Variants in TMEM163 observed in about 807,000 individuals in gnomAD.
TMEM163 encodes the protein transmembrane protein 163.
Under a neutral mutation model 29.3 loss-of-function variants are expected in TMEM163, and 17 were observed. The ratio of observed to expected loss-of-function variants is 0.58; its 90% CI spans 0.40 to 0.87. The LOEUF is 0.87. TMEM163 is among the 40% of genes least tolerant of loss of function. The probability of loss-of-function intolerance (pLI) is 0.00; values close to 1 mark genes in which losing one functional copy is unlikely to be tolerated. For synonymous variants in TMEM163, 157 were observed against 160.6 expected (o/e 0.98, Z 0.17); for missense variants, 303 against 381.5 (o/e 0.79, Z 1.71).
At chr2:134,624,527 A>C in intron 2 of TMEM163, among the ~76,000 whole-genome samples, 1 of 152,164 alleles carries the variant, frequency 6.6e-6, no homozygotes, top group Admixed American at 6.5e-5. Context: ...TGGGTGATGA[A>C]ATATTCTGTA....
At chr2:134,611,832 G>C (rs1682510097) in intron 2 of TMEM163, among the ~76,000 whole-genome samples, 1 of 152,170 alleles carries the variant, frequency 6.6e-6, no homozygotes, top group Non-Finnish European at 1.5e-5. Context: ...CAGTGAAGAG[G>C]TGAGCCTCCA....
intron 2 of TMEM163, among the ~76,000 whole-genome samples, chr2:134,621,852 C>G (rs759766995): frequency 1.4e-4 from 21 of 152,052 alleles, no homozygotes; most frequent in Middle Eastern, 6.8e-3. Flanking sequence ...GATGGTGCCA[C>G]TGTACTCCAG....
intron 2 of TMEM163, among the ~76,000 whole-genome samples, chr2:134,646,931 A>G (rs1683348424): frequency 6.6e-6 from 1 of 152,204 alleles, no homozygotes; most frequent in South Asian, 2.1e-4. Context: ...AATTGATAAG[A>G]GGCAAGTCAG....
chr2:134,662,395 A>T (rs1342907619), intron 2 of TMEM163, among the ~76,000 whole-genome samples: 1 of 152,194 alleles, frequency 6.6e-6, no homozygotes, highest in Non-Finnish European at 1.5e-5. Flanking sequence ...GGACAAGTAT[A>T]TGTGTCAAGC....
chr2:134,457,851 C>T (rs1050812228), intron 7 of TMEM163, among the ~76,000 whole-genome samples, 181 bp downstream of exon 7: 1 of 152,212 alleles, frequency 6.6e-6, no homozygotes, highest in African/African-American at 2.4e-5. Context: ...TCTGTGCCAG[C>T]CCCAAGGATA....
At chr2:134,504,843 A>AT in intron 4 of TMEM163, among the ~76,000 whole-genome samples, 1 of 152,330 alleles carries the variant, frequency 6.6e-6, no homozygotes, top group South Asian at 2.1e-4. Flanking sequence ...AGAGGGGGCC[A>AT]TGATAGAGTC....
At position 134,718,778 on chromosome 2, in the gene TMEM163, C is replaced by T. The variant is rs1336736091; in HGVS notation, c.158G>A (p.Arg53Gln). 25 of 1,152,400 alleles carry T rather than the reference C, an allele frequency of 2.2e-5. No homozygotes were observed. In the East Asian group the frequency reaches 1.1e-3, roughly 48 times the overall value. The allele number at this position is 1,152,400 out of a possible 1,614,324, so 71.4% of individuals were successfully genotyped here. A position where few individuals can be genotyped will look rare whatever the true frequency, so the allele number is the denominator to read the frequency against. ...PPQLEEERQVRISESGQFSDG... is the reference protein window; with the variant it reads ...PPQLEEERQVQISESGQFSDG... ...GCTGAACTGGCCGCTCTCGCTGATC[C>T]GCACCTGCCGCTCCTCCTCCAGCTG... is the stretch of plus-strand genomic sequence containing the variant. The change falls in exon 1 of 8, where the codon CGG becomes CAG. Residue 53 changes from arginine (R) to glutamine (Q), a missense_variant. By Grantham distance (43) the Arg-to-Gln change is conservative. This residue lies in a region of TMEM163 where 100 missense variants were observed against 87.2 expected (regional missense o/e 1.15). Transcript: ENST00000281924.
intron 2 of TMEM163, among the ~76,000 whole-genome samples, chr2:134,585,602 C>T (rs565010683): frequency 6.0e-4 from 91 of 152,118 alleles, no homozygotes; most frequent in Admixed American, 1.6e-3. Flanking sequence ...ATTAGCCGGG[C>T]GCGGTGGCGG....
chr2:134,653,919 T>C (rs1268112046), intron 2 of TMEM163, among the ~76,000 whole-genome samples: 7 of 127,396 alleles, frequency 5.5e-5, no homozygotes, highest in Admixed American at 4.6e-4. Context: ...AGAGAGTTTG[T>C]TATAATTTCT....
chr2:134,710,707 CAAG>C (rs1241784983), intron 2 of TMEM163, among the ~76,000 whole-genome samples: 2 of 151,714 alleles, frequency 1.3e-5, no homozygotes, highest in Non-Finnish European at 1.5e-5. Flanking sequence ...TGATTCCATG[CAAG>C]GATGGATGCT....
intron 2 of TMEM163, among the ~76,000 whole-genome samples, chr2:134,674,660 CTAA>C (rs1226531349): frequency 1.3e-5 from 2 of 150,954 alleles, no homozygotes; most frequent in Non-Finnish European, 2.9e-5. Flanking sequence ...GCCTTGCCGA[CTAA>C]TGTTTAAAAA....
chr2:134,588,111 C>G (rs1480582427), intron 2 of TMEM163, among the ~76,000 whole-genome samples: 1 of 152,154 alleles, frequency 6.6e-6, no homozygotes, highest in Non-Finnish European at 1.5e-5. Flanking sequence ...TTTTTGGAAC[C>G]AAGAGAATTC....
At position 134,681,143 on chromosome 2, in the gene TMEM163, G is replaced by A. The variant is rs191242211; in HGVS notation, c.322+32057C>T. Among the ~76,000 whole-genome samples the A allele has an allele frequency of 1.5e-4, 23 of 152,138 alleles. 1 individual carries two copies. Among genetic ancestry groups the A allele is most frequent in the Admixed American group, 6.5e-4 (10 of 15,284 alleles). On this transcript the variant is annotated intron_variant, in intron 2 of 7. Transcript: ENST00000281924. ...TTCCCTCCATCCAACTTATACTGCC[G>A]GCTCATAGAAGCCTCTCCTTTCTCC... is the stretch of plus-strand genomic sequence containing the variant.
chr2:134,641,758 C>T (rs1215863421), intron 2 of TMEM163, among the ~76,000 whole-genome samples: 1 of 152,006 alleles, frequency 6.6e-6, no homozygotes, highest in Non-Finnish European at 1.5e-5. Context: ...AATATGAATG[C>T]TCTAAATGCA....
intron 2 of TMEM163, among the ~76,000 whole-genome samples, chr2:134,645,244 C>T (rs897693102): frequency 3.3e-5 from 5 of 152,132 alleles, no homozygotes; most frequent in Admixed American, 1.3e-4. Flanking sequence ...GCCATATGAC[C>T]CAGCAATCCT....
At chr2:134,530,473 C>T (rs1239014861) in intron 4 of TMEM163, among the ~76,000 whole-genome samples, 1 of 152,122 alleles carries the variant, frequency 6.6e-6, no homozygotes, top group African/African-American at 2.4e-5. Flanking sequence ...GACAGGGTCT[C>T]ACTGTGTTGC....
chr2:134,706,979 G>T (rs1055053809), intron 2 of TMEM163, among the ~76,000 whole-genome samples: 1 of 152,202 alleles, frequency 6.6e-6, no homozygotes, highest in Non-Finnish European at 1.5e-5. Context: ...TTCCCAAACC[G>T]CTGGTCTGCC....
At position 134,655,086 on chromosome 2, in the gene TMEM163, C is replaced by T. The variant is rs1291491650; in HGVS notation, c.322+58114G>A. On this transcript the variant is annotated intron_variant, in intron 2 of 7. Transcript: ENST00000281924. ...GTTCTCTGTATTTCCTGAATCTGAA[C>T]GTTGGCCTGCCTTGCTAGATTGGTG... Among the ~76,000 whole-genome samples the T allele has an allele frequency of 3.3e-4, 42 of 127,862 alleles. 2 individuals carry two copies. The highest frequency in any genetic ancestry group is 3.8e-3 in the Middle Eastern group (1 of 264). The allele number at this position is 127,862 out of a possible 152,430, so 83.9% of individuals were successfully genotyped here.
At chr2:134,587,722 A>G (rs953221069) in intron 2 of TMEM163, among the ~76,000 whole-genome samples, 3 of 152,244 alleles carry the variant, frequency 2.0e-5, no homozygotes, top group Admixed American at 2.0e-4. Flanking sequence ...TTCTTTTTGT[A>G]GGTAACAAAG....
Sources: gnomAD v4.1 joint callset for allele counts (sites outside exome capture counted in the v4.1 genomes callset) on GRCh38, gnomAD v4.1.1 for gene constraint, gnomAD v4.1.1 regional missense constraint, MANE v1.5 for transcripts, NCBI Gene and HGNC (gene_info 2026-07-23, HGNC 2026-07-21) for gene names.